BARX2: variants seen among roughly 807,000 people sequenced by gnomAD.
The protein encoded by BARX2 is homeobox protein BarH-like 2.
BARX2 carries 11 observed loss-of-function variants against 25.5 expected under a neutral mutation model. The observed-to-expected ratio is 0.43, with a 90% CI of 0.27 to 0.71. BARX2 has a LOEUF of 0.71. BARX2 is among the 30% of genes least tolerant of loss of function. The probability of loss-of-function intolerance (pLI) is 0.19; values close to 1 mark genes in which losing one functional copy is unlikely to be tolerated. For synonymous variants in BARX2, 137 were observed against 149.5 expected (o/e 0.92, Z 0.61); for missense variants, 360 against 359.9 (o/e 1.00, Z 0.00).
chr11:129,379,359 A>G (rs1436617072), intron 1 of BARX2, among the ~76,000 whole-genome samples: 1 of 152,236 alleles, frequency 6.6e-6, no homozygotes, highest in Non-Finnish European at 1.5e-5. Context: ...TTATTCTTAA[A>G]TCTGTAAACA....
chr11:129,444,403 G>T (rs1862300017), intron 3 of BARX2, among the ~76,000 whole-genome samples: 1 of 152,166 alleles, frequency 6.6e-6, no homozygotes, highest in Non-Finnish European at 1.5e-5. Context: ...GAGGCGACTT[G>T]GCTCATGAAG....
At chr11:129,415,935 A>G (rs1413105695) in intron 1 of BARX2, among the ~76,000 whole-genome samples, 1 of 152,264 alleles carries the variant, frequency 6.6e-6, no homozygotes, top group Non-Finnish European at 1.5e-5. Flanking sequence ...GATTGGATCC[A>G]ACGTGACTGG....
chr11:129,430,867 G>A (rs1282190803), intron 1 of BARX2, among the ~76,000 whole-genome samples: 1 of 151,978 alleles, frequency 6.6e-6, no homozygotes, highest in African/African-American at 2.4e-5. Flanking sequence ...TTTTTGTTTT[G>A]TTTTATTTTT....
chr11:129,397,374 A>T (rs1317311768), intron 1 of BARX2, among the ~76,000 whole-genome samples: 1 of 152,180 alleles, frequency 6.6e-6, no homozygotes, highest in East Asian at 1.9e-4. Flanking sequence ...TCATGAGCTC[A>T]CTTGCCTCTT....
At chr11:129,443,476 A>T (rs927246856) in intron 3 of BARX2, among the ~76,000 whole-genome samples, 1 of 152,120 alleles carries the variant, frequency 6.6e-6, no homozygotes, top group Non-Finnish European at 1.5e-5. Context: ...TTTGGTGGGC[A>T]TTAGCGTCCC....
intron 1 of BARX2, among the ~76,000 whole-genome samples, chr11:129,404,070 C>A (rs73569141): frequency 4.5e-4 from 68 of 152,330 alleles, no homozygotes; most frequent in African/African-American, 1.4e-3. Flanking sequence ...GAAAAATAAT[C>A]CAGTATCTAT....
chr11:129,437,939 T>A (rs1406370349), intron 2 of BARX2: 1 of 151,500 alleles, frequency 6.6e-6, no homozygotes, highest in Non-Finnish European at 1.5e-5. Context: ...GATGGGAGGA[T>A]CACTTGAACC....
Position 129,376,112 on chromosome 11 carries a change from T to C in BARX2, c.77T>C (p.Met26Thr). 6.2e-7 allele frequency: 1 copy of C among 1,613,252 alleles called. No individual in the cohort carries two copies. ...GCCAGGCGGCGCTACAAGACTTTCA[T>C]GATCGACGAGATCCTCTCCAAGGAG... ...KAARRRYKTFMIDEILSKETC... is the reference protein window; with the variant it reads ...KAARRRYKTFTIDEILSKETC... The change falls in exon 1 of 4, where the codon ATG (methionine) becomes ACG (threonine). Residue 26 changes from methionine (M) to threonine (T), a missense_variant. Met to Thr is a moderately conservative substitution (Grantham distance 81). Coordinates refer to ENST00000281437, the MANE Select transcript of BARX2 (RefSeq NM_003658.5). This position sits in a 1 kb window ranked among gnomAD's most constrained non-coding sequence, Gnocchi z 4.2.
At chr11:129,420,146 C>T (rs142829275) in intron 1 of BARX2, among the ~76,000 whole-genome samples, 26 of 152,070 alleles carry the variant, frequency 1.7e-4, no homozygotes, top group African/African-American at 4.8e-4. Context: ...TGGGTTGTAA[C>T]GCAATCCAAG....
intron 1 of BARX2, among the ~76,000 whole-genome samples, chr11:129,427,205 G>A (rs978011722): frequency 4.6e-5 from 7 of 152,178 alleles, no homozygotes; most frequent in Non-Finnish European, 7.3e-5. Flanking sequence ...TAATCCTCAC[G>A]ATAATCCAGG....
chr11:129,404,252 C>T (rs961268294), intron 1 of BARX2, among the ~76,000 whole-genome samples: 2 of 152,276 alleles, frequency 1.3e-5, no homozygotes, highest in South Asian at 2.1e-4. Flanking sequence ...GAGAGGGCAG[C>T]GAGGGAGGCT....
chr11:129,427,998 C>G (rs1376412404), intron 1 of BARX2, among the ~76,000 whole-genome samples: 3 of 152,196 alleles, frequency 2.0e-5, no homozygotes, highest in Admixed American at 6.5e-5. Context: ...AATCCAAAAA[C>G]AGATTCTCAA....
chr11:129,426,468 G>A (rs1269464335), intron 1 of BARX2, among the ~76,000 whole-genome samples: 1 of 151,934 alleles, frequency 6.6e-6, no homozygotes, highest in Non-Finnish European at 1.5e-5. Flanking sequence ...CATCTATCGA[G>A]TTAAAGCAAT....
intron 3 of BARX2, among the ~76,000 whole-genome samples, chr11:129,449,080 T>G (rs556610217): frequency 2.0e-5 from 3 of 152,216 alleles, no homozygotes; most frequent in African/African-American, 7.2e-5. Flanking sequence ...GCTAATGCTA[T>G]GGGGTTTCTT....
intron 1 of BARX2, among the ~76,000 whole-genome samples, chr11:129,413,589 G>A (rs918366023): frequency 3.3e-5 from 5 of 152,108 alleles, no homozygotes; most frequent in Non-Finnish European, 7.4e-5. Flanking sequence ...ATGTTGGAAA[G>A]CATTTTCTAG....
chr11:129,432,075 T>C lies in BARX2; in HGVS notation c.188-4676T>C, dbSNP rs74378514. Among the ~76,000 whole-genome samples the C allele has an allele frequency of 8.7e-3, 1,327 of 152,196 alleles. 53 individuals are homozygous for C. The East Asian group carries it at 0.11, about 13-fold the overall frequency. ...AAGCAATTATTTTTAAAAATTTTTA[T>C]TTTACTTATTATTTATTTTTTGAAA... On this transcript the variant is annotated intron_variant, in intron 1 of 3. Coordinates refer to ENST00000281437, the MANE Select transcript of BARX2 (RefSeq NM_003658.5).
intron 1 of BARX2, among the ~76,000 whole-genome samples, chr11:129,378,938 A>G (rs940766701): frequency 6.6e-6 from 1 of 152,156 alleles, no homozygotes. Context: ...CAGGCAGAAT[A>G]GCATGTATTC....
intron 1 of BARX2, among the ~76,000 whole-genome samples, chr11:129,382,669 T>C (rs1861579902): frequency 6.6e-6 from 1 of 152,098 alleles, no homozygotes; most frequent in African/African-American, 2.4e-5. Flanking sequence ...ATGCATAAAT[T>C]AACACCTCAT....
chr11:129,384,271 G>C (rs1861598213), intron 1 of BARX2, among the ~76,000 whole-genome samples: 1 of 151,760 alleles, frequency 6.6e-6, no homozygotes. Context: ...CATTTGGTAA[G>C]TGATATGATG....
Sources: allele counts gnomAD v4.1 joint callset (sites outside exome capture counted in the v4.1 genomes callset), GRCh38; gene constraint gnomAD v4.1.1; non-coding constraint Gnocchi (gnomAD v3.1); transcripts MANE v1.5; gene names NCBI Gene and HGNC (gene_info 2026-07-23, HGNC 2026-07-21).